The following ATRNL1 variants were observed in gnomAD, a reference collection of about 807,000 sequenced individuals.
ATRNL1 encodes attractin-like protein 1.
Under a neutral mutation model 182.7 loss-of-function variants are expected in ATRNL1, and 95 were observed. The ratio of observed to expected loss-of-function variants is 0.52; its 90% CI spans 0.44 to 0.62. ATRNL1 has a LOEUF of 0.62. ATRNL1 is among the 20% of genes least tolerant of loss of function. The pLI, the probability that ATRNL1 is intolerant of heterozygous loss-of-function variation, is 0.00. For missense variants in ATRNL1, 1,471 were observed against 1,679.5 expected, an observed-to-expected ratio of 0.88 and a Z score of 2.17; for synonymous variants, 576 against 568.3, an observed-to-expected ratio of 1.01 and a Z score of -0.19.
At chr10:115,539,281 A>G (rs1852218092) in intron 25 of ATRNL1, among the ~76,000 whole-genome samples, 1 of 139,758 alleles carries the variant, frequency 7.2e-6, no homozygotes, top group East Asian at 2.0e-4. Flanking sequence ...AAACCTTTCC[A>G]TTTTGAAATG....
At chr10:115,448,934 G>A (rs1231193490) in intron 21 of ATRNL1, among the ~76,000 whole-genome samples, 1 of 152,082 alleles carries the variant, frequency 6.6e-6, no homozygotes, top group Admixed American at 6.5e-5. Flanking sequence ...TCAACCAAGT[G>A]TACAAAGAAG....
chr10:115,774,425 CAAAAAAAAAAAAAAA>C (rs56048429), intron 27 of ATRNL1, among the ~76,000 whole-genome samples: 3 of 69,376 alleles, frequency 4.3e-5, no homozygotes, highest in African/African-American at 1.6e-4. Flanking sequence ...GACTCCATCT[CAAAAAAAAAAAAAAA>C]AAAAAAAAAA....
chr10:115,914,654 T>C (rs1487577711), intron 28 of ATRNL1, among the ~76,000 whole-genome samples: 1 of 152,240 alleles, frequency 6.6e-6, no homozygotes, highest in Non-Finnish European at 1.5e-5. Flanking sequence ...TACTTCCCCA[T>C]GCTGAAGGCT....
At chr10:115,218,175 T>G (rs1426608884) in intron 9 of ATRNL1, among the ~76,000 whole-genome samples, 7 of 151,762 alleles carry the variant, frequency 4.6e-5, no homozygotes, top group African/African-American at 1.7e-4. Flanking sequence ...TTCCTGCAAC[T>G]AGATGGTCCC....
intron 26 of ATRNL1, among the ~76,000 whole-genome samples, chr10:115,638,222 C>G (rs1859014219): frequency 6.6e-6 from 1 of 152,124 alleles, no homozygotes; most frequent in Non-Finnish European, 1.5e-5. Context: ...TATATAGACA[C>G]TTACCGTAGT....
rs79959287 is a variant in ATRNL1 at position 115,337,422 on chromosome 10, G to A, written c.3175+3003G>A. Among the ~76,000 whole-genome samples the A allele has an allele frequency of 7.3e-3, 1,106 of 151,962 alleles. 14 individuals are homozygous for A. The highest frequency in any genetic ancestry group is 0.025 in the African/African-American group (1,045 of 41,430). On this transcript the variant is annotated intron_variant, in intron 19 of 28. Transcript: ENST00000355044. Reference sequence around the variant, plus strand: ...ACTATAGTCACCTTATTGTGCTATCGAATAGTAGGTCTTCTTCATTCTTCC... The same window carrying A: ...ACTATAGTCACCTTATTGTGCTATCAAATAGTAGGTCTTCTTCATTCTTCC...
chr10:115,464,708 T>C (rs558396812), intron 22 of ATRNL1, among the ~76,000 whole-genome samples: 4 of 151,982 alleles, frequency 2.6e-5, no homozygotes, highest in Non-Finnish European at 5.9e-5. Context: ...ATTAATCTCA[T>C]CCAGCATAAG....
chr10:115,226,975 TAACA>T (rs1233997468), intron 9 of ATRNL1, among the ~76,000 whole-genome samples: 1 of 152,136 alleles, frequency 6.6e-6, no homozygotes, highest in Admixed American at 6.6e-5. Context: ...ATACAAATCC[TAACA>T]GACAACCAAG....
intron 21 of ATRNL1, among the ~76,000 whole-genome samples, chr10:115,429,147 G>T (rs1846035116): frequency 1.3e-5 from 2 of 151,908 alleles, no homozygotes; most frequent in African/African-American, 4.8e-5. Context: ...TGCTGGGTGT[G>T]TAAAATTTAT....
intron 10 of ATRNL1, among the ~76,000 whole-genome samples, chr10:115,259,502 G>GT (rs751740097): frequency 1.4e-4 from 22 of 152,144 alleles, no homozygotes; most frequent in Non-Finnish European, 2.8e-4. Flanking sequence ...GGAGTGTCCC[G>GT]TTTTTCCAGG....
intron 18 of ATRNL1, among the ~76,000 whole-genome samples, chr10:115,332,634 C>A (rs2134068730): frequency 6.6e-6 from 1 of 152,212 alleles, no homozygotes; most frequent in Non-Finnish European, 1.5e-5. Flanking sequence ...ACTGCATATT[C>A]TTTCTATAAT....
At chr10:115,295,250 A>C (rs782360716) in intron 15 of ATRNL1, among the ~76,000 whole-genome samples, 3 of 152,124 alleles carry the variant, frequency 2.0e-5, no homozygotes, top group Non-Finnish European at 4.4e-5. Context: ...AACAACCCAC[A>C]GGGCTATTTC....
intron 19 of ATRNL1, among the ~76,000 whole-genome samples, chr10:115,376,083 T>G (rs1592553878): frequency 6.6e-6 from 1 of 152,164 alleles, no homozygotes; most frequent in African/African-American, 2.4e-5. Context: ...ATTTCACTTC[T>G]GAAGGACACC....
intron 28 of ATRNL1, among the ~76,000 whole-genome samples, chr10:115,867,371 T>A (rs1951463065): frequency 1.3e-5 from 2 of 152,192 alleles, no homozygotes; most frequent in Non-Finnish European, 1.5e-5. Context: ...GCATTAACGT[T>A]TTTTCCATGT....
intron 26 of ATRNL1, among the ~76,000 whole-genome samples, chr10:115,718,495 A>G (rs574103532): frequency 6.6e-6 from 1 of 152,334 alleles, no homozygotes; most frequent in South Asian, 2.1e-4. Flanking sequence ...AAGATAAAAT[A>G]CTATCTTGCA....
chr10:115,106,599 C>A (rs1419765733), intron 1 of ATRNL1, among the ~76,000 whole-genome samples: 2 of 152,180 alleles, frequency 1.3e-5, no homozygotes, highest in Non-Finnish European at 2.9e-5. Context: ...GTAATTGAAT[C>A]ATGGGGGCCA....
chr10:115,337,400 A>G (rs1007901914), intron 19 of ATRNL1, among the ~76,000 whole-genome samples: 3 of 152,140 alleles, frequency 2.0e-5, no homozygotes, highest in Non-Finnish European at 2.9e-5. Context: ...GCTACTGACT[A>G]TAGTCACCTT....
At chr10:115,877,219 G>C (rs72832811) in intron 28 of ATRNL1, among the ~76,000 whole-genome samples, 1 of 151,660 alleles carries the variant, frequency 6.6e-6, no homozygotes, top group Non-Finnish European at 1.5e-5. Context: ...AGGTAGAAAG[G>C]CAGTCATTTT....
intron 20 of ATRNL1, among the ~76,000 whole-genome samples, chr10:115,407,443 CT>C (rs1161579008): frequency 5.0e-4 from 74 of 146,594 alleles, no homozygotes; most frequent in Admixed American, 4.8e-4. Flanking sequence ...ATGAGATCAA[CT>C]TTTTTTTTTT....
Sources: allele counts gnomAD v4.1 joint callset (sites outside exome capture counted in the v4.1 genomes callset), GRCh38; gene constraint gnomAD v4.1.1; transcripts MANE v1.5; gene names NCBI Gene and HGNC (gene_info 2026-07-23, HGNC 2026-07-21).